AFF3: variants seen among roughly 807,000 people sequenced by gnomAD.
AFF3 encodes the protein AF4/FMR2 family member 3.
Under a neutral mutation model 129.7 loss-of-function variants are expected in AFF3, and 32 were observed. The observed-to-expected ratio is 0.25, with a 90% CI of 0.19 to 0.33. The LOEUF is 0.33. Ranked by LOEUF, AFF3 falls within the 10% of genes least tolerant of loss-of-function variation. The pLI, the probability that AFF3 is intolerant of heterozygous loss-of-function variation, is 1.00. For synonymous variants in AFF3, 644 were observed against 635.4 expected, an observed-to-expected ratio of 1.01 and a Z score of -0.20; for missense variants, 1,373 against 1,592.0, an observed-to-expected ratio of 0.86 and a Z score of 2.34.
In AFF3 at chr2:99,546,478, T is replaced by C. The variant is rs1674077084; in HGVS notation, c.*4996A>G. 8.6e-6 allele frequency: 2 copies of C among 232,946 alleles called. No individual in the cohort carries two copies. Among genetic ancestry groups the C allele is most frequent in the African/African-American group, 2.2e-5 (1 of 45,338 alleles). 14.4% of individuals were successfully genotyped at this position (232,946 alleles called of 1,614,324 possible). On this transcript the variant is annotated 3_prime_UTR_variant, in exon 25 of 25. Transcript: ENST00000672756. ...TTTCTCTCTAGACACGAGTGAGTTATGTCAGATGGTATAATGGGAAAAAGA... is the reference window on the plus strand; with the variant it reads ...TTTCTCTCTAGACACGAGTGAGTTACGTCAGATGGTATAATGGGAAAAAGA...
In AFF3 at chr2:99,701,943, T is replaced by C. The variant is rs555249751; in HGVS notation, c.1091+25134A>G. On this transcript the variant is annotated intron_variant, in intron 11 of 24. Transcript: ENST00000672756. Reference sequence around the variant, plus strand: ...CTATCCTTTTGAAATTGGCTTTTTTTCCACTCAGCATAAATTCCCTGAGAT... The same window carrying C: ...CTATCCTTTTGAAATTGGCTTTTTTCCCACTCAGCATAAATTCCCTGAGAT... 2.6e-5 allele frequency among the ~76,000 whole-genome samples: 4 copies of C among 152,370 alleles called. No homozygotes were observed. In the South Asian group the frequency reaches 8.3e-4, roughly 32 times the overall value.
At chr2:99,716,677 T>A (rs1392600262) in intron 11 of AFF3, among the ~76,000 whole-genome samples, 1 of 151,758 alleles carries the variant, frequency 6.6e-6, no homozygotes, top group African/African-American at 2.4e-5. Context: ...GATCAGGAGT[T>A]CGAGACCAGC....
chr2:99,692,755 C>T (rs1675804398), intron 11 of AFF3, among the ~76,000 whole-genome samples: 2 of 151,742 alleles, frequency 1.3e-5, no homozygotes, highest in Non-Finnish European at 2.9e-5. Context: ...CTTCCTTCAC[C>T]AGACTTCTGG....
rs1310287436 is a variant in AFF3, at chr2:100,003,582, T to G, written c.873+3050A>C. ...GAAAAAGCCAGCCAAGAAGCAGGTG[T>G]AAGAGTTAAAGAATTCTCTTGAGGT... is the stretch of plus-strand genomic sequence containing the variant. On this transcript the variant is annotated intron_variant, in intron 7 of 24. Coordinates refer to ENST00000672756, the MANE Select transcript of AFF3 (RefSeq NM_001386135.1). Among the ~76,000 whole-genome samples, 2 of 152,204 alleles carry G rather than the reference T, an allele frequency of 1.3e-5. 1 individual carries two copies. The highest frequency in any genetic ancestry group is 2.9e-5 in the Non-Finnish European group (2 of 68,040).
intron 8 of AFF3, among the ~76,000 whole-genome samples, chr2:99,754,646 C>G (rs6758027): frequency 0.73 from 110,803 of 152,144 alleles, 41,518 homozygotes; most frequent in East Asian, 0.92. Context: ...ACTTCCTAGA[C>G]CAACAGCTTC....
chr2:99,746,549 T>C (rs1010147350), intron 9 of AFF3, among the ~76,000 whole-genome samples: 2 of 152,212 alleles, frequency 1.3e-5, no homozygotes, highest in Non-Finnish European at 2.9e-5. Flanking sequence ...AATAATGAGC[T>C]ATTCAACTGA....
At position 99,593,630 on chromosome 2, in the gene AFF3, C is replaced by A; in HGVS notation, c.2031G>T (p.Ser677=). 6.2e-7 allele frequency: 1 copy of A among 1,609,830 alleles called. No individual in the cohort carries two copies. The highest frequency in any genetic ancestry group is 8.5e-7 in the Non-Finnish European group (1 of 1,177,724). The change falls in exon 15 of 25, where the codon TCG becomes TCT. Residue 677 remains serine, a synonymous_variant. Coordinates refer to ENST00000672756, the MANE Select transcript of AFF3 (RefSeq NM_001386135.1). The part of the protein sequence containing the change: ...ETESSSSSSS[S]DSDLESEQEE... ...CCTGCTCGGACTCCAGGTCGGAGTC[C>A]GAGGAGGAGGATGAAGATGACGACT...
At chr2:99,988,688 G>T (rs752869507) in intron 7 of AFF3, among the ~76,000 whole-genome samples, 8 of 152,172 alleles carry the variant, frequency 5.3e-5, no homozygotes, top group Non-Finnish European at 8.8e-5. Context: ...TGGCAGGAAA[G>T]AAATCAGTTT....
chr2:99,873,649 A>G (rs1692045668), intron 7 of AFF3, among the ~76,000 whole-genome samples: 1 of 152,092 alleles, frequency 6.6e-6, no homozygotes, highest in Non-Finnish European at 1.5e-5. Flanking sequence ...GATGCCATCT[A>G]TGGACTGGCT....
intron 8 of AFF3, among the ~76,000 whole-genome samples, chr2:99,766,366 T>C (rs1442438789): frequency 1.3e-5 from 2 of 152,202 alleles, no homozygotes; most frequent in Non-Finnish European, 2.9e-5. Context: ...TGAGAGGTGA[T>C]TTATAAATCA....
chr2:99,918,057 T>G (rs1695596973), intron 7 of AFF3, among the ~76,000 whole-genome samples: 2 of 152,198 alleles, frequency 1.3e-5, no homozygotes, highest in Admixed American at 6.5e-5. Flanking sequence ...TTTTTTCTTT[T>G]AGTGTAGTTT....
intron 14 of AFF3, among the ~76,000 whole-genome samples, chr2:99,596,766 G>A (rs1002615491): frequency 1.3e-5 from 2 of 152,170 alleles, no homozygotes; most frequent in African/African-American, 4.8e-5. Flanking sequence ...ATTAACAGAA[G>A]GGCAGAATTT....
chr2:100,104,908 A>AGCCCCGCGCCGCGCCC (rs1247696430), intron 3 of AFF3: 19 of 183,836 alleles, frequency 1.0e-4, no homozygotes, highest in Non-Finnish European at 1.5e-4. Context: ...GCGCACCGTG[A>AGCCCCGCGCCGCGCCC]GCCCCGCGCC....
intron 4 of AFF3, among the ~76,000 whole-genome samples, chr2:100,054,555 G>C (rs1686614698): frequency 6.6e-6 from 1 of 152,120 alleles, no homozygotes; most frequent in Non-Finnish European, 1.5e-5. Flanking sequence ...TCTTAAGTCT[G>C]CCAGCCTTTG....
At chr2:99,952,489 C>T (rs1445172706) in intron 7 of AFF3, among the ~76,000 whole-genome samples, 1 of 152,102 alleles carries the variant, frequency 6.6e-6, no homozygotes, top group East Asian at 1.9e-4. Context: ...TCTTGCAGAC[C>T]CCTCTGTCCC....
chr2:99,646,098 G>C (rs1202359508), intron 13 of AFF3, among the ~76,000 whole-genome samples: 1 of 152,178 alleles, frequency 6.6e-6, no homozygotes, highest in Non-Finnish European at 1.5e-5. Flanking sequence ...TTCCTACAGT[G>C]TAAACTCATG....
chr2:99,845,810 T>A (rs1372118045), intron 7 of AFF3, among the ~76,000 whole-genome samples: 2 of 152,154 alleles, frequency 1.3e-5, no homozygotes, highest in African/African-American at 4.8e-5. Context: ...TTTTCCTGAA[T>A]CTTTATTTTA....
intron 14 of AFF3, among the ~76,000 whole-genome samples, chr2:99,597,761 C>A (rs1289950662): frequency 6.6e-6 from 1 of 152,238 alleles, no homozygotes; most frequent in Non-Finnish European, 1.5e-5. Flanking sequence ...CACAGTCCGC[C>A]TCCTGAGCCG....
intron 24 of AFF3, 89 bp from the exon 25 acceptor site, chr2:99,551,684 G>T (rs558517125): frequency 4.0e-6 from 6 of 1,513,494 alleles, no homozygotes; most frequent in Non-Finnish European, 5.5e-6. Context: ...TCCATTCATG[G>T]TCTCTATATA....
Sources: gnomAD v4.1 joint callset for allele counts (sites outside exome capture counted in the v4.1 genomes callset) on GRCh38, gnomAD v4.1.1 for gene constraint, MANE v1.5 for transcripts, NCBI Gene and HGNC (gene_info 2026-07-23, HGNC 2026-07-21) for gene names.